PSG1: variants seen among roughly 807,000 people sequenced by gnomAD.
PSG1 encodes pregnancy specific beta-1-glycoprotein 1.
PSG1 carries 60 observed loss-of-function variants against 41.4 expected under a neutral mutation model. The ratio of observed to expected loss-of-function variants is 1.45; its 90% CI spans 1.18 to 1.80. The LOEUF is 1.80. Among genes scored for constraint, PSG1 ranks in the 40% most tolerant of loss-of-function variants. PSG1 has a pLI of 0.00. For synonymous variants in PSG1, 256 were observed against 192.9 expected (o/e 1.33, Z -2.71); for missense variants, 806 against 516.9 (o/e 1.56, Z -5.42).
At chr19:42,872,614 G>C (rs769491618) in intron 2 of PSG1, among the ~76,000 whole-genome samples, 21 of 151,628 alleles carry the variant, frequency 1.4e-4, no homozygotes, top group Non-Finnish European at 2.7e-4. Flanking sequence ...TCAGGCAGTG[G>C]AGCCACGAGG....
At chr19:42,867,826 A>G (rs1971196902) in intron 5 of PSG1, 1 of 1,308,332 alleles carries the variant, frequency 7.6e-7, no homozygotes. Flanking sequence ...TCAAATAAAA[A>G]TCATAAAAAC....
At chr19:42,870,975 G>T (rs1971358186) in intron 3 of PSG1, among the ~76,000 whole-genome samples, 1 of 151,554 alleles carries the variant, frequency 6.6e-6, no homozygotes, top group Non-Finnish European at 1.5e-5. Flanking sequence ...TGGTGGTTTT[G>T]GAGTAGAAAC....
At position 42,878,051 on chromosome 19, in the gene PSG1, G is replaced by T. The variant is rs756268958; in HGVS notation, c.292C>A (p.Arg98=). ...IIIYGPAYSG[R]ETAYSNASLL... The stretch of plus-strand genomic sequence containing the variant: ...GATGCATTGGAATATGCTGTTTCTC[G>T]TCCACTATATGCAGGCCCATATATA... Residue 98 remains arginine (R), a synonymous_variant, in exon 2 of 6, where the codon CGA becomes AGA. Transcript: ENST00000436291. 8 of 1,612,200 alleles carry T rather than the reference G, an allele frequency of 5.0e-6. No individual in the cohort carries two copies. The highest frequency in any genetic ancestry group is 6.8e-6 in the Non-Finnish European group (8 of 1,179,132).
rs1188520936 is a variant in PSG1, at chr19:42,878,349, C to G, written c.65-71G>C. The G allele has an allele frequency of 3.9e-5, 59 of 1,530,802 alleles. 2 individuals carry two copies. In the East Asian group the frequency reaches 1.2e-3, roughly 32 times the overall value. The allele number at this position is 1,530,802 out of a possible 1,614,324, so 94.8% of individuals were successfully genotyped here. ...GGTGTGAAAACATGGGGCCCTGGGT[C>G]CTGAGAAGGTCTCTTCAGTCCTCAG... On this transcript the variant is annotated intron_variant, in intron 1 of 5. Transcript: ENST00000436291.
rs1464936763 is a variant in PSG1, at chr19:42,878,138, T to C, written c.205A>G (p.Lys69Glu). ...PQNLTGYIWY[K>E]GQMRDLYHYI... is the part of the protein sequence containing the mutation. ...TGGTAGAGGTCCCTCATTTGCCCTTTGTACCAGATGTAGCCGGTAAGATTC... is the reference window on the plus strand; with the variant it reads ...TGGTAGAGGTCCCTCATTTGCCCTTCGTACCAGATGTAGCCGGTAAGATTC... Residue 69 changes from lysine to glutamate, a missense_variant, in exon 2 of 6, where the codon AAA (lysine) becomes GAA (glutamate). By Grantham distance (56) the Lys-to-Glu change is moderately conservative. Transcript: ENST00000436291. 1 of 1,612,340 alleles carries C rather than the reference T, an allele frequency of 6.2e-7. No individual in the cohort carries two copies. The highest frequency in any genetic ancestry group is 8.5e-7 in the Non-Finnish European group (1 of 1,179,168).
intron 2 of PSG1, among the ~76,000 whole-genome samples, chr19:42,873,844 G>A (rs1382518304): frequency 6.6e-6 from 1 of 151,500 alleles, no homozygotes; most frequent in African/African-American, 2.4e-5. Context: ...GGAAAAATGG[G>A]GAGGACCTCA....
In PSG1 at chr19:42,868,155, G is replaced by C. The variant is rs376482682; in HGVS notation, c.1189C>G (p.Arg397Gly). ...CTTTCCTTGCCAGTGGCTGAGTTAC[G>C]AACAGAGCAAACATAGAGCCCGCTA... is the stretch of plus-strand genomic sequence containing the variant. Reference protein sequence around the residue: ...KHSGLYVCSVRNSATGKESSK... With the variant: ...KHSGLYVCSVGNSATGKESSK... The change falls in exon 5 of 6, where the codon CGT becomes GGT. Residue 397 changes from arginine (R) to glycine (G), a missense_variant. Transcript: ENST00000436291. The C allele has an allele frequency of 1.2e-6, 2 of 1,612,220 alleles. No individual in the cohort carries two copies. Among genetic ancestry groups the C allele is most frequent in the African/African-American group, 1.3e-5 (1 of 74,666 alleles).
chr19:42,877,969 A>G lies in PSG1; in HGVS notation c.374T>C (p.Ile125Thr), dbSNP rs200148263. ...TCCTCTAGTCCCATCATCTCCCTTT[A>G]TGATGTGTAAGGTGTAGGATCCTGC... The part of the protein sequence containing the change: ...EDAGSYTLHI[I>T]KGDDGTRGVT... Residue 125 changes from isoleucine to threonine, a missense_variant, in exon 2 of 6, where the codon ATA becomes ACA. Transcript: ENST00000436291. 1.9e-5 allele frequency: 30 copies of G among 1,612,286 alleles called. No homozygotes were observed. The African/African-American group carries it at 3.1e-4, about 17-fold the overall frequency.
intron 4 of PSG1, 89 bp downstream of exon 4, chr19:42,868,667 T>A: frequency 6.3e-7 from 1 of 1,582,540 alleles, no homozygotes; most frequent in Non-Finnish European, 8.6e-7. Context: ...GTGTCTATAC[T>A]TGGACCGGAG....
In PSG1 at chr19:42,867,996, C is replaced by A. The variant is rs1382714171; in HGVS notation, c.1243+105G>T. On this transcript the variant is annotated intron_variant, in intron 5 of 5. Transcript: ENST00000436291. The stretch of plus-strand genomic sequence containing the variant: ...AGGAGAATTTGGGATTTGCTTGTGC[C>A]CATGGGACACAGGCTGGGAATACAA... 3.1e-6 allele frequency: 5 copies of A among 1,606,776 alleles called. 1 individual carries two copies. Among genetic ancestry groups the A allele is most frequent in the Non-Finnish European group, 4.2e-6 (5 of 1,177,420 alleles).
Position 42,878,051 on chromosome 19 carries a change from G to C in PSG1, c.292C>G (p.Arg98Gly). The C allele has an allele frequency of 1.2e-6, 2 of 1,612,314 alleles. No homozygotes were observed. Among genetic ancestry groups the C allele is most frequent in the Non-Finnish European group, 1.7e-6 (2 of 1,179,124 alleles). Residue 98 changes from arginine to glycine, a missense_variant, in exon 2 of 6, where the codon CGA becomes GGA. Transcript: ENST00000436291. Reference protein sequence around the residue: ...IIIYGPAYSGRETAYSNASLL... With the variant: ...IIIYGPAYSGGETAYSNASLL... ...GATGCATTGGAATATGCTGTTTCTC[G>C]TCCACTATATGCAGGCCCATATATA...
In PSG1 at chr19:42,878,249, T is replaced by A; in HGVS notation, c.94A>T (p.Thr32Ser). ...GCTTCAATCGTGACTTGGGCAGTGGTGGGCAGGTTCCAGAAGTTTAAAAGT... is the reference window on the plus strand; with the variant it reads ...GCTTCAATCGTGACTTGGGCAGTGGAGGGCAGGTTCCAGAAGTTTAAAAGT... ...ASLLNFWNLP[T>S]TAQVTIEAEP... The change falls in exon 2 of 6, where the codon ACC becomes TCC. Residue 32 changes from threonine (T) to serine (S), a missense_variant. Physicochemically the swap from Thr to Ser is moderately conservative, Grantham distance 58 (BLOSUM62 1). Transcript: ENST00000436291. 2.5e-6 allele frequency: 4 copies of A among 1,609,926 alleles called. 1 individual carries two copies. The highest frequency in any genetic ancestry group is 3.4e-6 in the Non-Finnish European group (4 of 1,178,256).
intron 2 of PSG1, among the ~76,000 whole-genome samples, chr19:42,873,382 T>C (rs912076397): frequency 4.6e-5 from 7 of 151,742 alleles, no homozygotes; most frequent in Admixed American, 3.3e-4. Context: ...TTTGAGCATT[T>C]CAGATTGTGG....
At position 42,867,155 on chromosome 19, in the gene PSG1, A is replaced by AG. The variant is rs756239408; in HGVS notation, c.1244-6dup. Reference sequence around the variant, plus strand: ...GAATTCAGGGAACTGTCCAGTCTACAGGTGGATAATAAAAACACAGAAACA... The same window carrying AG: ...GAATTCAGGGAACTGTCCAGTCTACAGGGTGGATAATAAAAACACAGAAACA... On this transcript the variant is annotated splice_polypyrimidine_tract_variant and splice_region_variant and intron_variant, in intron 5 of 5. Transcript: ENST00000436291. 1.3e-6 allele frequency: 1 copy of AG among 768,168 alleles called. No individual in the cohort carries two copies. The highest frequency in any genetic ancestry group is 1.3e-5 in the South Asian group (1 of 74,372). 47.6% of individuals were successfully genotyped at this position (768,168 alleles called of 1,614,324 possible).
In PSG1 at chr19:42,878,256, G is replaced by T. The variant is rs1269581981; in HGVS notation, c.87C>A (p.Asn29Lys). 4 of 1,608,700 alleles carry T rather than the reference G, an allele frequency of 2.5e-6. No homozygotes were observed. The highest frequency in any genetic ancestry group is 1.7e-5 in the Admixed American group (1 of 59,544). The stretch of plus-strand genomic sequence containing the variant: ...TCGTGACTTGGGCAGTGGTGGGCAG[G>T]TTCCAGAAGTTTAAAAGTGATGCTA... The part of the protein sequence containing the change: ...LLTASLLNFW[N>K]LPTTAQVTIE... Residue 29 changes from asparagine to lysine, a missense_variant, in exon 2 of 6, where the codon AAC (asparagine) becomes AAA (lysine). Transcript: ENST00000436291.
Position 42,873,384 on chromosome 19 carries a change from A to G in PSG1, c.431-1339T>C, listed in dbSNP as rs557000532. ...AGAAGTGTTGAGTTTTGAGCATTTC[A>G]GATTGTGGATTTCTGGATTTCCGAT... On this transcript the variant is annotated intron_variant, in intron 2 of 5. Coordinates refer to ENST00000436291, the MANE Select transcript of PSG1 (RefSeq NM_001184825.2). 1.6e-4 allele frequency among the ~76,000 whole-genome samples: 25 copies of G among 151,794 alleles called. 1 individual carries two copies. The South Asian group carries it at 5.3e-3, about 32-fold the overall frequency.
chr19:42,877,195 T>A lies in PSG1; in HGVS notation c.430+718A>T, dbSNP rs529327001. 4.7e-4 allele frequency among the ~76,000 whole-genome samples: 71 copies of A among 151,788 alleles called. 1 individual carries two copies. The highest frequency in any genetic ancestry group is 1.4e-3 in the East Asian group (7 of 5,150). ...AGATCCCTGTGGACAAGCTGCTACC[T>A]GGTACATCTTCTCTCTTCTGTTTCT... On this transcript the variant is annotated intron_variant, in intron 2 of 5. Transcript: ENST00000436291.
intron 1 of PSG1, among the ~76,000 whole-genome samples, chr19:42,878,965 A>G (rs1394982695): frequency 6.6e-6 from 1 of 151,124 alleles, no homozygotes; most frequent in African/African-American, 2.4e-5. Flanking sequence ...GTCATCTGCT[A>G]TAGTTATTAT....
intron 3 of PSG1, among the ~76,000 whole-genome samples, chr19:42,871,116 A>G (rs1247661448): frequency 6.6e-6 from 1 of 151,708 alleles, no homozygotes; most frequent in Non-Finnish European, 1.5e-5. Flanking sequence ...ACCAGGGACT[A>G]TGATCCTCTT....
Sources: gnomAD v4.1 joint callset for allele counts (sites outside exome capture counted in the v4.1 genomes callset) on GRCh38, gnomAD v4.1.1 for gene constraint, MANE v1.5 for transcripts, NCBI Gene and HGNC (gene_info 2026-07-23, HGNC 2026-07-21) for gene names.